ITPRID1: variants seen among roughly 807,000 people sequenced by gnomAD.
The protein encoded by ITPRID1 is ITPR interacting domain containing 1.
A neutral mutation model predicts 95.4 loss-of-function variants in ITPRID1; 96 were observed. The observed-to-expected ratio is 1.01, with a 90% CI of 0.85 to 1.19. The LOEUF (loss-of-function observed/expected upper bound fraction) is 1.19, where lower values mean the gene tolerates loss of function less well. ITPRID1 is among the 50% of genes most tolerant of loss of function. The probability of loss-of-function intolerance (pLI) is 0.00; values close to 1 mark genes in which losing one functional copy is unlikely to be tolerated. For missense variants in ITPRID1, 1,339 were observed against 1,252.9 expected (o/e 1.07, Z -1.04); for synonymous variants, 510 against 453.6 (o/e 1.12, Z -1.58).
chr7:31,590,946 G>A (rs977229794), intron 10 of ITPRID1, among the ~76,000 whole-genome samples: 10 of 152,332 alleles, frequency 6.6e-5, no homozygotes, highest in African/African-American at 2.4e-4. Context: ...TTCTCATACA[G>A]TTCAAAGTGG....
intron 10 of ITPRID1, among the ~76,000 whole-genome samples, chr7:31,584,897 G>A (rs899700635): frequency 2.6e-5 from 4 of 152,226 alleles, no homozygotes; most frequent in African/African-American, 9.6e-5. Context: ...TATAGCAGCA[G>A]TGATGTTGTG....
At chr7:31,612,583 G>GAAGT (rs1333795047) in intron 10 of ITPRID1, among the ~76,000 whole-genome samples, 1 of 152,104 alleles carries the variant, frequency 6.6e-6, no homozygotes, top group Non-Finnish European at 1.5e-5. Flanking sequence ...GTACAACACT[G>GAAGT]AAGTTCCTAC....
intron 1 of ITPRID1, among the ~76,000 whole-genome samples, chr7:31,525,114 T>C (rs1468529405): frequency 6.6e-6 from 1 of 152,198 alleles, no homozygotes; most frequent in African/African-American, 2.4e-5. Flanking sequence ...TCATGCATTA[T>C]TGAATTAACC....
chr7:31,643,661 C>T lies in ITPRID1; in HGVS notation c.2291C>T (p.Thr764Ile), dbSNP rs562303397. The change falls in exon 12 of 15, where the codon ACT (threonine) becomes ATT (isoleucine). Residue 764 changes from threonine to isoleucine, a missense_variant. Thr to Ile is a moderately conservative substitution (Grantham distance 89). Coordinates refer to ENST00000615280, the MANE Select transcript of ITPRID1 (RefSeq NM_001257967.3). ...ARQLNDASIQ[T>I]SALSNKTLTH... Reference sequence around the variant, plus strand: ...CAGTTAAATGATGCTTCCATTCAGACTTCAGCTCTAAGCAACAAGACCTTG... The same window carrying T: ...CAGTTAAATGATGCTTCCATTCAGATTTCAGCTCTAAGCAACAAGACCTTG... The T allele has an allele frequency of 6.2e-7, 1 of 1,614,068 alleles. No homozygotes were observed. Among genetic ancestry groups the T allele is most frequent in the South Asian group, 1.1e-5 (1 of 91,084 alleles).
chr7:31,612,092 T>G (rs1330373058), intron 10 of ITPRID1, among the ~76,000 whole-genome samples: 1 of 152,010 alleles, frequency 6.6e-6, no homozygotes, highest in Non-Finnish European at 1.5e-5. Context: ...TTTTCAAGGT[T>G]GCTGATTCTT....
At chr7:31,574,366 G>A (rs1785100114) in intron 7 of ITPRID1, among the ~76,000 whole-genome samples, 174 bp from the exon 8 acceptor site, 1 of 152,106 alleles carries the variant, frequency 6.6e-6, no homozygotes, top group South Asian at 2.1e-4. Context: ...CCCTGAGTGG[G>A]GGTGCCAGAT....
chr7:31,586,125 T>G (rs374281333), intron 10 of ITPRID1, among the ~76,000 whole-genome samples: 8,746 of 134,478 alleles, frequency 0.065, 306 homozygotes, highest in Middle Eastern at 0.11. Context: ...TTACTGAGAA[T>G]GATGATTTCC....
intron 10 of ITPRID1, among the ~76,000 whole-genome samples, chr7:31,608,080 TTC>T (rs888417852): frequency 7.3e-4 from 111 of 152,020 alleles, no homozygotes; most frequent in African/African-American, 2.5e-3. Context: ...ACTGCATAGT[TTC>T]TGTTTTATCA....
chr7:31,540,485 A>G (rs1783899133), intron 1 of ITPRID1, among the ~76,000 whole-genome samples: 1 of 152,260 alleles, frequency 6.6e-6, no homozygotes, highest in South Asian at 2.1e-4. Context: ...CAAGACTAGA[A>G]TTTAACAACA....
chr7:31,644,753 A>C (rs1321905349), intron 12 of ITPRID1, among the ~76,000 whole-genome samples: 1 of 152,206 alleles, frequency 6.6e-6, no homozygotes, highest in Non-Finnish European at 1.5e-5. Flanking sequence ...AGGGCCAGCC[A>C]TTGATTAAAA....
At chr7:31,621,862 A>G (rs2128179385) in intron 10 of ITPRID1, among the ~76,000 whole-genome samples, 1 of 152,012 alleles carries the variant, frequency 6.6e-6, no homozygotes, top group East Asian at 1.9e-4. Context: ...CAGGAAACCC[A>G]TCTCACATGC....
chr7:31,593,283 G>A (rs768529498), intron 10 of ITPRID1, among the ~76,000 whole-genome samples: 2 of 152,094 alleles, frequency 1.3e-5, no homozygotes, highest in Non-Finnish European at 2.9e-5. Flanking sequence ...CAGCCTGAGA[G>A]ACAGAGCCAG....
At chr7:31,568,921 T>G (rs903565330) in intron 5 of ITPRID1, among the ~76,000 whole-genome samples, 1 of 152,232 alleles carries the variant, frequency 6.6e-6, no homozygotes, top group Non-Finnish European at 1.5e-5. Flanking sequence ...CATGAGAAAT[T>G]TATTTAATCT....
chr7:31,633,165 G>C (rs38378), intron 10 of ITPRID1, among the ~76,000 whole-genome samples: 3 of 151,818 alleles, frequency 2.0e-5, no homozygotes, highest in Non-Finnish European at 4.4e-5. Context: ...GATTACAGGC[G>C]TGAGCTACCG....
intron 5 of ITPRID1, among the ~76,000 whole-genome samples, chr7:31,561,404 T>C (rs998126590): frequency 1.3e-5 from 2 of 152,116 alleles, no homozygotes; most frequent in African/African-American, 4.8e-5. Context: ...TCTGGACCTG[T>C]TGTTCTGAGA....
intron 1 of ITPRID1, among the ~76,000 whole-genome samples, chr7:31,532,281 T>C (rs1783622897): frequency 6.6e-6 from 1 of 152,164 alleles, no homozygotes; most frequent in Non-Finnish European, 1.5e-5. Flanking sequence ...TTAGAAAAAG[T>C]GTTCTTTTCT....
At chr7:31,518,263 A>T (rs1319819756) in intron 1 of ITPRID1, 1 of 152,232 alleles carries the variant, frequency 6.6e-6, no homozygotes, top group Non-Finnish European at 1.5e-5. Flanking sequence ...TCCAGGAAGG[A>T]GTGCAGGCCT....
chr7:31,569,648 T>C (rs1207850486), intron 5 of ITPRID1, 110 bp from the exon 6 acceptor site: 2 of 876,380 alleles, frequency 2.3e-6, no homozygotes, highest in Admixed American at 2.3e-5. Context: ...CATGCCTATA[T>C]AACCTTGGAT....
At position 31,572,712 on chromosome 7, in the gene ITPRID1, AAGTC is replaced by A. The variant is rs754463964; in HGVS notation, c.395+528_395+531del. Among the ~76,000 whole-genome samples the A allele has an allele frequency of 5.3e-4, 80 of 152,178 alleles. 1 individual carries two copies. The highest frequency in any genetic ancestry group is 1.2e-4 in the Non-Finnish European group (8 of 68,010). The stretch of plus-strand genomic sequence containing the variant: ...GTGTACTATTAAAAATTTTTTAACA[AAGTC>A]AGTATATCTAATTTCTTCCACCATT... On this transcript the variant is annotated intron_variant, in intron 7 of 14. Coordinates refer to ENST00000615280, the MANE Select transcript of ITPRID1 (RefSeq NM_001257967.3).
Sources: allele counts gnomAD v4.1 joint callset (sites outside exome capture counted in the v4.1 genomes callset), GRCh38; gene constraint gnomAD v4.1.1; transcripts MANE v1.5; gene names NCBI Gene and HGNC (gene_info 2026-07-23, HGNC 2026-07-21).